The following ATXN1 variants were observed in gnomAD, a reference collection of about 807,000 sequenced individuals.
The protein encoded by ATXN1 is ataxin 1.
A neutral mutation model predicts 56.4 loss-of-function variants in ATXN1; 8 were observed. That is an observed-to-expected ratio of 0.14 (90% CI 0.08 to 0.26). The LOEUF (loss-of-function observed/expected upper bound fraction) is 0.26, where lower values mean the gene tolerates loss of function less well. Ranked by LOEUF, ATXN1 falls within the 10% of genes least tolerant of loss-of-function variation. The pLI, the probability that ATXN1 is intolerant of heterozygous loss-of-function variation, is 1.00. For synonymous variants in ATXN1, 514 were observed against 494.6 expected (o/e 1.04, Z -0.52); for missense variants, 987 against 1,106.5 (o/e 0.89, Z 1.53).
intron 5 of ATXN1, among the ~76,000 whole-genome samples, chr6:16,493,558 T>C (rs998766997): frequency 1.3e-5 from 2 of 152,106 alleles, no homozygotes; most frequent in African/African-American, 4.8e-5. Context: ...ACAATAGGTG[T>C]CATCTCCCCA....
At chr6:16,419,231 A>G (rs1758979540) in intron 6 of ATXN1, among the ~76,000 whole-genome samples, 2 of 152,162 alleles carry the variant, frequency 1.3e-5, no homozygotes, top group Admixed American at 1.3e-4. Flanking sequence ...GTACAGGTGC[A>G]TGACACTGCA....
At chr6:16,546,431 C>CT (rs1761816173) in intron 4 of ATXN1, among the ~76,000 whole-genome samples, 1 of 152,164 alleles carries the variant, frequency 6.6e-6, no homozygotes, top group South Asian at 2.1e-4. Flanking sequence ...CAGGTGTGCT[C>CT]TCCTTCAAGC....
rs901922142 is a variant in ATXN1, at chr6:16,741,095, C to A, written c.-615+12138G>T. ...CAGAAAATCAGGTTTACAGCACAGG[C>A]TACATGTATTTCTAACCACTGGAAT... On this transcript the variant is annotated intron_variant, in intron 2 of 7. Coordinates refer to ENST00000436367, the MANE Select transcript of ATXN1 (RefSeq NM_001128164.2). Among the ~76,000 whole-genome samples, 6 of 152,136 alleles carry A rather than the reference C, an allele frequency of 3.9e-5. No individual in the cohort carries two copies. The South Asian group carries it at 1.2e-3, about 31-fold the overall frequency.
At chr6:16,665,824 A>C (rs1262478430) in intron 2 of ATXN1, among the ~76,000 whole-genome samples, 1 of 152,206 alleles carries the variant, frequency 6.6e-6, no homozygotes, top group African/African-American at 2.4e-5. Context: ...TAGGCAAGAA[A>C]CTGTGAGAAG....
chr6:16,496,974 A>C (rs1245420113), intron 5 of ATXN1, among the ~76,000 whole-genome samples: 1 of 152,160 alleles, frequency 6.6e-6, no homozygotes, highest in Non-Finnish European at 1.5e-5. Context: ...ACAACTCCTA[A>C]TATATCAAAA....
intron 3 of ATXN1, among the ~76,000 whole-genome samples, chr6:16,607,773 T>C (rs1290742534): frequency 6.6e-6 from 1 of 152,242 alleles, no homozygotes; most frequent in Non-Finnish European, 1.5e-5. Context: ...CCAAAATCTC[T>C]AAGAAATTGA....
chr6:16,475,095 T>C (rs531753918), intron 6 of ATXN1, among the ~76,000 whole-genome samples: 1 of 152,338 alleles, frequency 6.6e-6, no homozygotes, highest in East Asian at 1.9e-4. Flanking sequence ...TAGATGAGAC[T>C]ATTATAGTTT....
At chr6:16,364,340 C>G (rs1761872612) in intron 6 of ATXN1, among the ~76,000 whole-genome samples, 1 of 151,472 alleles carries the variant, frequency 6.6e-6, no homozygotes. Flanking sequence ...GAGGCTCGTT[C>G]TGTCGCCAGG....
intron 3 of ATXN1, chr6:16,653,036 A>G (rs1204673529): frequency 1.3e-5 from 2 of 152,236 alleles, no homozygotes; most frequent in Admixed American, 6.5e-5. Flanking sequence ...GTTGTCAAAA[A>G]AAATGTGTTA....
chr6:16,695,667 T>C (rs760735532), intron 2 of ATXN1, among the ~76,000 whole-genome samples: 1 of 152,224 alleles, frequency 6.6e-6, no homozygotes, highest in Non-Finnish European at 1.5e-5. Flanking sequence ...ATTAGTACCT[T>C]CATCTTGAGA....
intron 6 of ATXN1, among the ~76,000 whole-genome samples, chr6:16,441,483 G>A (rs1759515963): frequency 6.6e-6 from 1 of 152,070 alleles, no homozygotes; most frequent in Non-Finnish European, 1.5e-5. Context: ...ACAGTGCACA[G>A]TTATTATAAG....
intron 5 of ATXN1, among the ~76,000 whole-genome samples, chr6:16,510,771 G>A (rs753753174): frequency 4.6e-5 from 7 of 152,040 alleles, no homozygotes; most frequent in Admixed American, 1.3e-4. Context: ...TAAAAATACA[G>A]TAAAGGTATA....
intron 3 of ATXN1, among the ~76,000 whole-genome samples, chr6:16,587,889 C>T (rs1323177417): frequency 6.6e-6 from 1 of 151,512 alleles, no homozygotes; most frequent in East Asian, 1.9e-4. Flanking sequence ...TGAGATCGTG[C>T]CATTGCACTA....
chr6:16,631,340 A>G (rs1561786287), intron 3 of ATXN1, among the ~76,000 whole-genome samples: 1 of 152,186 alleles, frequency 6.6e-6, no homozygotes, highest in East Asian at 1.9e-4. Flanking sequence ...TTATAAGTAG[A>G]AATGGGTCTA....
intron 2 of ATXN1, among the ~76,000 whole-genome samples, chr6:16,679,036 CAAA>C (rs879339592): frequency 8.8e-6 from 1 of 113,098 alleles, no homozygotes; most frequent in African/African-American, 3.3e-5. Flanking sequence ...AACTCCATCT[CAAA>C]AAAAAAAAAA....
chr6:16,729,986 G>A (rs547685025), intron 2 of ATXN1, among the ~76,000 whole-genome samples: 7 of 152,236 alleles, frequency 4.6e-5, no homozygotes, highest in African/African-American at 1.4e-4. Flanking sequence ...ATTAAAAAAA[G>A]AAACTTCAAA....
At chr6:16,744,125 T>C (rs1427031243) in intron 2 of ATXN1, among the ~76,000 whole-genome samples, 1 of 152,196 alleles carries the variant, frequency 6.6e-6, no homozygotes, top group Non-Finnish European at 1.5e-5. Context: ...GTATATCATA[T>C]GCCAAACCAC....
intron 2 of ATXN1, among the ~76,000 whole-genome samples, chr6:16,670,926 C>T (rs181469226): frequency 6.6e-5 from 10 of 152,264 alleles, no homozygotes; most frequent in South Asian, 4.1e-4. Flanking sequence ...TATTTCATTT[C>T]GATGTTACAT....
intron 2 of ATXN1, among the ~76,000 whole-genome samples, chr6:16,702,519 C>A (rs576591853): frequency 6.6e-4 from 101 of 152,164 alleles, no homozygotes; most frequent in African/African-American, 2.3e-3. Context: ...TCTGCACAGC[C>A]AAAGAAACTA....
Sources: allele counts gnomAD v4.1 joint callset (sites outside exome capture counted in the v4.1 genomes callset), GRCh38; gene constraint gnomAD v4.1.1; transcripts MANE v1.5; gene names NCBI Gene and HGNC (gene_info 2026-07-23, HGNC 2026-07-21).